WDR7: variants seen among roughly 807,000 people sequenced by gnomAD.
WDR7 encodes the protein WD repeat domain 7, also known as WD repeat-containing protein 7.
A neutral mutation model predicts 169.4 loss-of-function variants in WDR7; 46 were observed. The ratio of observed to expected loss-of-function variants is 0.27; its 90% CI spans 0.21 to 0.35. The LOEUF (loss-of-function observed/expected upper bound fraction) is 0.35. Among genes scored for constraint, WDR7 ranks in the 10% least tolerant of loss-of-function variants. WDR7 has a pLI of 1.00. For synonymous variants in WDR7, 612 were observed against 666.8 expected, an observed-to-expected ratio of 0.92 and a Z score of 1.27; for missense variants, 1,534 against 1,859.3, an observed-to-expected ratio of 0.83 and a Z score of 3.22.
At chr18:57,025,417 A>T (rs1175729462) in intron 27 of WDR7, among the ~76,000 whole-genome samples, 1 of 152,188 alleles carries the variant, frequency 6.6e-6, no homozygotes, top group Non-Finnish European at 1.5e-5. Flanking sequence ...AGAAAGCAAT[A>T]AGGCATTGAT....
intron 26 of WDR7, chr18:57,010,377 A>T: frequency 1.3e-6 from 1 of 788,658 alleles, no homozygotes; most frequent in Non-Finnish European, 1.5e-6. Flanking sequence ...TTATATTAGT[A>T]TTCAGCAGTA....
intron 12 of WDR7, among the ~76,000 whole-genome samples, chr18:56,705,685 G>A (rs17062333): frequency 0.012 from 1,851 of 152,166 alleles, 52 homozygotes; most frequent in African/African-American, 0.043. Context: ...GCAGGAATTG[G>A]ACATACATAC....
chr18:56,765,824 ATTTAT>A, intron 16 of WDR7, among the ~76,000 whole-genome samples: 1 of 151,978 alleles, frequency 6.6e-6, no homozygotes, highest in Admixed American at 6.6e-5. Flanking sequence ...CTATTTATTT[ATTTAT>A]TTAAGTTCTG....
intron 25 of WDR7, among the ~76,000 whole-genome samples, chr18:56,950,298 T>G (rs898695191): frequency 6.6e-6 from 1 of 152,232 alleles, no homozygotes; most frequent in Admixed American, 6.5e-5. Flanking sequence ...TCTGTTGTTT[T>G]GCTCACTGCC....
chr18:56,665,517 A>G (rs1421753369), intron 1 of WDR7, among the ~76,000 whole-genome samples: 1 of 152,028 alleles, frequency 6.6e-6, no homozygotes, highest in Non-Finnish European at 1.5e-5. Context: ...TTTGTACGTT[A>G]TCATTTCAGA....
chr18:56,875,230 A>T (rs1318866780), intron 20 of WDR7, among the ~76,000 whole-genome samples: 1 of 152,112 alleles, frequency 6.6e-6, no homozygotes, highest in Non-Finnish European at 1.5e-5. Context: ...TTAGGATATG[A>T]TATCTCAAAT....
chr18:57,008,198 C>T (rs1193578148), intron 26 of WDR7, among the ~76,000 whole-genome samples: 1 of 152,146 alleles, frequency 6.6e-6, no homozygotes, highest in Non-Finnish European at 1.5e-5. Flanking sequence ...ACCAGCCCCG[C>T]TTGCCCTCTC....
At position 57,020,725 on chromosome 18, in the gene WDR7, A is replaced by T. The variant is rs569514467; in HGVS notation, c.4165-20A>T. On this transcript the variant is annotated intron_variant, in intron 26 of 27. Coordinates refer to ENST00000254442, the MANE Select transcript of WDR7 (RefSeq NM_015285.3). ...TCCTGTGAAATGCTTATCATTCATG[A>T]TATCTGAATTTTATTTTAGACAATC... 1.2e-6 allele frequency: 2 copies of T among 1,608,796 alleles called. No individual in the cohort carries two copies. Among genetic ancestry groups the T allele is most frequent in the Non-Finnish European group, 1.7e-6 (2 of 1,175,796 alleles).
At chr18:56,809,741 ATT>A in intron 19 of WDR7, among the ~76,000 whole-genome samples, 1 of 152,160 alleles carries the variant, frequency 6.6e-6, no homozygotes, top group South Asian at 2.1e-4. Flanking sequence ...ATAGTCTTCA[ATT>A]CTCTTTTGTG....
chr18:56,908,560 A>G (rs2046510881), intron 21 of WDR7, among the ~76,000 whole-genome samples: 1 of 152,200 alleles, frequency 6.6e-6, no homozygotes, highest in Non-Finnish European at 1.5e-5. Context: ...ATATAATATA[A>G]TGGTCAGACA....
chr18:56,858,379 C>T (rs1031229334), intron 20 of WDR7, among the ~76,000 whole-genome samples: 9 of 152,126 alleles, frequency 5.9e-5, no homozygotes, highest in Middle Eastern at 3.2e-3. Context: ...CAAAAATTTC[C>T]GTGGCTTGTC....
chr18:56,700,255 T>TC (rs1555679221), intron 12 of WDR7, among the ~76,000 whole-genome samples: 1 of 108,924 alleles, frequency 9.2e-6, no homozygotes, highest in Non-Finnish European at 1.8e-5. Flanking sequence ...TCATTTTCTT[T>TC]TTTTTTTTTT....
At chr18:56,853,712 GTTGT>G in intron 20 of WDR7, among the ~76,000 whole-genome samples, 1 of 151,886 alleles carries the variant, frequency 6.6e-6, no homozygotes, top group Non-Finnish European at 1.5e-5. Context: ...CCTGTTTTTT[GTTGT>G]TTATTTGTTT....
Position 56,825,438 on chromosome 18 carries a change from A to G in WDR7, c.3304+9294A>G, listed in dbSNP as rs545260788. Among the ~76,000 whole-genome samples, 375 of 152,334 alleles carry G rather than the reference A, an allele frequency of 2.5e-3. 1 individual carries two copies. Among genetic ancestry groups the G allele is most frequent in the Middle Eastern group, 6.8e-3 (2 of 294 alleles). ...ACTTAATATGTGTCAGACTGGCTCT[A>G]TGCTCTTTTAAATCCTCACACAATT... On this transcript the variant is annotated intron_variant, in intron 20 of 27. Coordinates refer to ENST00000254442, the MANE Select transcript of WDR7 (RefSeq NM_015285.3).
intron 20 of WDR7, among the ~76,000 whole-genome samples, chr18:56,825,601 T>A (rs1228594442): frequency 6.6e-6 from 1 of 152,220 alleles, no homozygotes; most frequent in Non-Finnish European, 1.5e-5. Context: ...TGCTTCTAGA[T>A]CTTGTGCTTT....
chr18:56,776,465 A>G (rs1223784666), intron 16 of WDR7, among the ~76,000 whole-genome samples: 1 of 152,128 alleles, frequency 6.6e-6, no homozygotes, highest in Non-Finnish European at 1.5e-5. Flanking sequence ...CATTTTTGCT[A>G]ATTTTTACTG....
intron 1 of WDR7, among the ~76,000 whole-genome samples, chr18:56,670,695 G>A (rs757139715): frequency 6.6e-6 from 1 of 152,088 alleles, no homozygotes; most frequent in Non-Finnish European, 1.5e-5. Flanking sequence ...ATTTTTAGCA[G>A]GGACGGGGTT....
chr18:56,927,397 A>G (rs2046823004), intron 22 of WDR7, among the ~76,000 whole-genome samples: 1 of 152,116 alleles, frequency 6.6e-6, no homozygotes, highest in African/African-American at 2.4e-5. Flanking sequence ...GCTTGAGCCC[A>G]GGAATTTGAG....
At chr18:56,730,659 G>A (rs970291747) in intron 13 of WDR7, among the ~76,000 whole-genome samples, 6 of 152,238 alleles carry the variant, frequency 3.9e-5, no homozygotes, top group Non-Finnish European at 7.4e-5. Flanking sequence ...CCAGCTACTC[G>A]GGAGGCTGAG....
Sources: allele counts gnomAD v4.1 joint callset (sites outside exome capture counted in the v4.1 genomes callset), GRCh38; gene constraint gnomAD v4.1.1; transcripts MANE v1.5; gene names NCBI Gene and HGNC (gene_info 2026-07-23, HGNC 2026-07-21).